The following CR1L variants were observed in gnomAD, a reference collection of about 807,000 sequenced individuals.
CR1L encodes complement C3b/C4b receptor 1 like, also known as complement component receptor 1-like protein.
In CR1L, 59 loss-of-function variants were observed where a neutral mutation model predicts 62.3. The observed-to-expected ratio is 0.95, with a 90% CI of 0.77 to 1.18. CR1L has a LOEUF of 1.18. CR1L is among the 50% of genes most tolerant of loss of function. CR1L has a pLI of 0.00. For synonymous variants in CR1L, 279 were observed against 248.7 expected (o/e 1.12, Z -1.15); for missense variants, 700 against 702.8 (o/e 1.00, Z 0.04).
intron 10 of CR1L, among the ~76,000 whole-genome samples, chr1:207,713,173 C>T (rs1227591674): frequency 1.3e-5 from 2 of 151,962 alleles, no homozygotes; most frequent in African/African-American, 4.8e-5. Context: ...AGTCACTGAT[C>T]TTGGGTACAC....
chr1:207,716,154 A>G (rs546233484), intron 10 of CR1L, among the ~76,000 whole-genome samples: 43 of 152,284 alleles, frequency 2.8e-4, no homozygotes, highest in Admixed American at 6.5e-4. Flanking sequence ...CCACCTCCCT[A>G]CTTTCCTGGA....
intron 11 of CR1L, among the ~76,000 whole-genome samples, chr1:207,723,206 C>A (rs548780461): frequency 6.6e-6 from 1 of 152,132 alleles, no homozygotes; most frequent in Non-Finnish European, 1.5e-5. Context: ...CTGAGGCGGG[C>A]AGATCACGAG....
At chr1:207,718,183 C>T (rs1374810543) in intron 11 of CR1L, among the ~76,000 whole-genome samples, 1 of 152,126 alleles carries the variant, frequency 6.6e-6, no homozygotes, top group African/African-American at 2.4e-5. Flanking sequence ...TTTGTTCAAG[C>T]CGCTGACTAT....
At chr1:207,710,106 G>A (rs1326361332) in intron 10 of CR1L, among the ~76,000 whole-genome samples, 1 of 152,170 alleles carries the variant, frequency 6.6e-6, no homozygotes, top group African/African-American at 2.4e-5. Context: ...GCATTTGGAA[G>A]GCAGAGGCAG....
chr1:207,665,262 G>A (rs1322979800), intron 1 of CR1L, among the ~76,000 whole-genome samples: 1 of 151,938 alleles, frequency 6.6e-6, no homozygotes, highest in East Asian at 1.9e-4. Context: ...CACCATGTTA[G>A]CCAGGATGAT....
At chr1:207,706,240 C>CA (rs1178103481) in intron 9 of CR1L, among the ~76,000 whole-genome samples, 1 of 151,362 alleles carries the variant, frequency 6.6e-6, no homozygotes, top group Non-Finnish European at 1.5e-5. Flanking sequence ...GGCAATAAGG[C>CA]AAAACCCCAT....
chr1:207,706,115 T>C (rs926244158), intron 9 of CR1L, among the ~76,000 whole-genome samples: 9 of 148,168 alleles, frequency 6.1e-5, no homozygotes, highest in Non-Finnish European at 8.9e-5. Context: ...CTCAATGCAG[T>C]GGGAAAAGAT....
intron 1 of CR1L, among the ~76,000 whole-genome samples, chr1:207,647,712 G>C (rs530461949): frequency 2.6e-5 from 4 of 152,230 alleles, no homozygotes; most frequent in Admixed American, 6.5e-5. Context: ...TGCTCAGGAT[G>C]GTCTTTCTGT....
intron 4 of CR1L, 88 bp from the exon 5 acceptor site, chr1:207,694,265 A>G: frequency 6.6e-7 from 1 of 1,507,892 alleles, no homozygotes; most frequent in Non-Finnish European, 9.0e-7. Context: ...ATAAAAGCAA[A>G]TAATGAATGT....
intron 9 of CR1L, among the ~76,000 whole-genome samples, chr1:207,707,630 AAAAC>A (rs1553245414): frequency 3.9e-5 from 6 of 152,298 alleles, no homozygotes; most frequent in South Asian, 4.2e-4. Flanking sequence ...TCCGTCTAAA[AAAAC>A]AAACAAACAA....
chr1:207,682,275 CA>C, intron 3 of CR1L, among the ~76,000 whole-genome samples: 1 of 152,016 alleles, frequency 6.6e-6, no homozygotes. Context: ...AATTCAAGAC[CA>C]CCCTAGTCAA....
rs761473337 is a variant in CR1L, at chr1:207,723,600, C to G, written c.1643-18C>G. ...GCATGCCAGAGTGATGTTTTTGTGA[C>G]TTTTGTCTTCCTTTTAGGTTCACAT... On this transcript the variant is annotated intron_variant, in intron 11 of 11. Transcript: ENST00000508064. 2 of 1,581,952 alleles carry G rather than the reference C, an allele frequency of 1.3e-6. No individual in the cohort carries two copies. The highest frequency in any genetic ancestry group is 4.5e-5 in the East Asian group (2 of 44,372).
intron 1 of CR1L, among the ~76,000 whole-genome samples, chr1:207,648,795 A>G (rs1054664231): frequency 6.6e-6 from 1 of 152,258 alleles, no homozygotes; most frequent in Non-Finnish European, 1.5e-5. Flanking sequence ...AGAGCAGTCC[A>G]TATCTGGTCA....
Position 207,677,541 on chromosome 1 carries a change from T to TGGACAAGTGCTAA in CR1L, c.261_273dup (p.Lys92Ter), listed in dbSNP as rs1329514433. 3.7e-6 allele frequency: 6 copies of TGGACAAGTGCTAA among 1,613,868 alleles called. No individual in the cohort carries two copies. The highest frequency in any genetic ancestry group is 1.3e-5 in the African/African-American group (1 of 74,938). Reference sequence around the variant, plus strand: ...TATCATCTGCCTAAAAAACTCAGTCTGGACAAGTGCTAAGGACAAGTGCAA... The same window carrying TGGACAAGTGCTAA: ...TATCATCTGCCTAAAAAACTCAGTCTGGACAAGTGCTAAGGACAAGTGCTAAGGACAAGTGCAA... On this transcript the variant is annotated frameshift_variant, in exon 2 of 12. Transcript: ENST00000508064. LOFTEE classifies it high-confidence loss of function.
chr1:207,678,313 T>C lies in CR1L; in HGVS notation c.377+16T>C. Reference sequence around the variant, plus strand: ...GTCCTAAAGGGTGAGTTGGCATCTCTTGAACCAACATCTCTTGGTTCAAGG... The same window carrying C: ...GTCCTAAAGGGTGAGTTGGCATCTCCTGAACCAACATCTCTTGGTTCAAGG... On this transcript the variant is annotated intron_variant, in intron 3 of 11. Transcript: ENST00000508064. The C allele has an allele frequency of 1.3e-6, 2 of 1,599,296 alleles. No individual in the cohort carries two copies. The highest frequency in any genetic ancestry group is 2.7e-5 in the African/African-American group (2 of 74,710).
rs367948380 is a variant in CR1L at position 207,683,893 on chromosome 1, G to T, written c.399G>T (p.Ser133=). The change falls in exon 4 of 12, where the codon TCG becomes TCT. Residue 133 remains serine (S), a synonymous_variant. Transcript: ENST00000508064. The part of the protein sequence containing the change: ...CPKGYRLIGS[S]SATCIISGNT... ...CTAGATACCGACTCATTGGTTCCTCGTCTGCCACATGCATCATCTCAGGCA... is the reference window on the plus strand; with the variant it reads ...CTAGATACCGACTCATTGGTTCCTCTTCTGCCACATGCATCATCTCAGGCA... The T allele has an allele frequency of 8.7e-6, 14 of 1,612,692 alleles. No homozygotes were observed. In the African/African-American group the frequency reaches 1.7e-4, roughly 20 times the overall value.
At chr1:207,708,939 A>G in intron 10 of CR1L, 1 of 360,176 alleles carries the variant, frequency 2.8e-6, no homozygotes, top group South Asian at 2.1e-5. Flanking sequence ...TTCTTCCAAG[A>G]TCAGATGAAA....
rs144986906 is a variant in CR1L at position 207,687,264 on chromosome 1, A to G, written c.463+3307A>G. On this transcript the variant is annotated intron_variant, in intron 4 of 11. Coordinates refer to ENST00000508064, the MANE Select transcript of CR1L (RefSeq NM_175710.2). ...GGTATTATTTCTTCTTTAAATGTTTAAAAGAATTCACTGGAAAAGCCATAT... is the reference window on the plus strand; with the variant it reads ...GGTATTATTTCTTCTTTAAATGTTTGAAAGAATTCACTGGAAAAGCCATAT... Among the ~76,000 whole-genome samples, 297 of 152,340 alleles carry G rather than the reference A, an allele frequency of 1.9e-3. 4 individuals are homozygous for G. The highest frequency in any genetic ancestry group is 0.011 in the Admixed American group (175 of 15,296).
At chr1:207,672,697 G>T (rs114791921) in intron 1 of CR1L, among the ~76,000 whole-genome samples, 4 of 152,224 alleles carry the variant, frequency 2.6e-5, no homozygotes, top group Non-Finnish European at 4.4e-5. Context: ...TTACCAGGGA[G>T]TGTTTAACAT....
Sources: allele counts gnomAD v4.1 joint callset (sites outside exome capture counted in the v4.1 genomes callset), GRCh38; gene constraint gnomAD v4.1.1; transcripts MANE v1.5; gene names NCBI Gene and HGNC (gene_info 2026-07-23, HGNC 2026-07-21).